The following FAF1 variants were observed in gnomAD, a reference collection of about 807,000 sequenced individuals.
FAF1 encodes the protein Fas associated factor 1.
A neutral mutation model predicts 92.5 loss-of-function variants in FAF1; 25 were observed. The observed-to-expected ratio is 0.27, with a 90% CI of 0.20 to 0.38. The LOEUF (loss-of-function observed/expected upper bound fraction) is 0.38. Among genes scored for constraint, FAF1 ranks in the 10% least tolerant of loss-of-function variants. The pLI is 1.00. For missense variants in FAF1, 636 were observed against 793.3 expected, an observed-to-expected ratio of 0.80 and a Z score of 2.38; for synonymous variants, 234 against 273.2, an observed-to-expected ratio of 0.86 and a Z score of 1.42.
At chr1:50,498,368 C>T (rs1149791) in intron 15 of FAF1, among the ~76,000 whole-genome samples, 3 of 151,998 alleles carry the variant, frequency 2.0e-5, no homozygotes, top group African/African-American at 7.2e-5. Flanking sequence ...TTCTTTAGTA[C>T]GTCATTGAAA....
intron 7 of FAF1, among the ~76,000 whole-genome samples, chr1:50,675,119 G>A (rs1191052111): frequency 6.6e-6 from 1 of 152,174 alleles, no homozygotes; most frequent in Non-Finnish European, 1.5e-5. Context: ...TCAAACTCCT[G>A]ACCTCAGGTG....
chr1:50,825,426 G>A (rs1644087464), intron 2 of FAF1, among the ~76,000 whole-genome samples: 1 of 151,874 alleles, frequency 6.6e-6, no homozygotes, highest in African/African-American at 2.4e-5. Flanking sequence ...CAAGACATAG[G>A]ACTTTTAAGG....
chr1:50,618,344 T>C (rs1653024642), intron 8 of FAF1, among the ~76,000 whole-genome samples: 2 of 152,056 alleles, frequency 1.3e-5, no homozygotes, highest in Non-Finnish European at 2.9e-5. Context: ...TTTTCGCTAA[T>C]ACTGGTGTTC....
At chr1:50,534,013 AC>A (rs1473538075) in intron 15 of FAF1, among the ~76,000 whole-genome samples, 1 of 152,014 alleles carries the variant, frequency 6.6e-6, no homozygotes, top group East Asian at 1.9e-4. Context: ...TCTGCCATTT[AC>A]CCCCTCAGGA....
intron 12 of FAF1, among the ~76,000 whole-genome samples, chr1:50,574,820 C>T (rs1650634403): frequency 6.7e-6 from 1 of 149,428 alleles, no homozygotes; most frequent in Non-Finnish European, 1.5e-5. Flanking sequence ...CAAATATTGT[C>T]TGACAAACAG....
At chr1:50,724,254 A>G (rs1440891833) in intron 6 of FAF1, among the ~76,000 whole-genome samples, 2 of 143,920 alleles carry the variant, frequency 1.4e-5, no homozygotes, top group Non-Finnish European at 3.0e-5. Context: ...AAAAAAAAAA[A>G]ACAACCATAT....
chr1:50,466,922 C>T (rs1174415267), intron 18 of FAF1, among the ~76,000 whole-genome samples: 1 of 152,190 alleles, frequency 6.6e-6, no homozygotes, highest in Non-Finnish European at 1.5e-5. Flanking sequence ...ATGTTCTCCT[C>T]ATAACAATCT....
At chr1:50,927,901 A>C (rs374486608) in intron 1 of FAF1, among the ~76,000 whole-genome samples, 2 of 152,100 alleles carry the variant, frequency 1.3e-5, no homozygotes, top group African/African-American at 2.4e-5. Context: ...TCTACTCGTT[A>C]CATATTCTGT....
Position 50,505,036 on chromosome 1 carries a change from T to G in FAF1, c.1495-13235A>C, listed in dbSNP as rs72898969. On this transcript the variant is annotated intron_variant, in intron 15 of 18. Transcript: ENST00000396153. ...CTGTAGAAGTCTTCTGAGTGGGGGA[T>G]CTTACTGATCTTATAGAAAGCAAGA... is the stretch of plus-strand genomic sequence containing the variant. Among the ~76,000 whole-genome samples, 986 of 152,290 alleles carry G rather than the reference T, an allele frequency of 6.5e-3. 19 individuals carry two copies. The highest frequency in any genetic ancestry group is 0.023 in the African/African-American group (942 of 41,560).
chr1:50,852,099 T>C (rs1644355960), intron 2 of FAF1, among the ~76,000 whole-genome samples: 1 of 152,058 alleles, frequency 6.6e-6, no homozygotes, highest in African/African-American at 2.4e-5. Context: ...TATGACATGC[T>C]TAGAAAAAAA....
chr1:50,948,534 CTTTT>C (rs1167611825), intron 1 of FAF1, among the ~76,000 whole-genome samples: 4 of 139,064 alleles, frequency 2.9e-5, no homozygotes, highest in Admixed American at 7.2e-5. Context: ...TTTTCTTTTT[CTTTT>C]TTTTTTTTTT....
At chr1:50,683,094 A>G (rs992012289) in intron 7 of FAF1, among the ~76,000 whole-genome samples, 1 of 152,178 alleles carries the variant, frequency 6.6e-6, no homozygotes, top group Non-Finnish European at 1.5e-5. Flanking sequence ...TTTAACAAGA[A>G]ATTAAAAATA....
In FAF1 at chr1:50,538,921, T is replaced by C. The variant is rs1648623988; in HGVS notation, c.1405+671A>G. Among the ~76,000 whole-genome samples the C allele has an allele frequency of 2.0e-5, 3 of 152,342 alleles. No homozygotes were observed. In the South Asian group the frequency reaches 6.2e-4, roughly 32 times the overall value. ...GAAATTAGTATACCAGATATAGTTT[T>C]AGCTTGAGGCACTTGAAAATCTTTT... On this transcript the variant is annotated intron_variant, in intron 14 of 18. Coordinates refer to ENST00000396153, the MANE Select transcript of FAF1 (RefSeq NM_007051.3).
At chr1:50,545,649 G>A (rs1359349297) in intron 13 of FAF1, among the ~76,000 whole-genome samples, 1 of 151,998 alleles carries the variant, frequency 6.6e-6, no homozygotes, top group Non-Finnish European at 1.5e-5. Context: ...AAAAAAACTG[G>A]CTTTGGCAAG....
intron 1 of FAF1, among the ~76,000 whole-genome samples, chr1:50,859,304 G>C (rs563512936): frequency 1.2e-4 from 18 of 151,828 alleles, no homozygotes; most frequent in African/African-American, 4.3e-4. Flanking sequence ...ATCTAAATAG[G>C]AAAAGAAGAA....
intron 15 of FAF1, among the ~76,000 whole-genome samples, chr1:50,511,500 T>G (rs1257109004): frequency 2.0e-5 from 3 of 152,130 alleles, no homozygotes; most frequent in African/African-American, 7.2e-5. Flanking sequence ...ATGTGGTGTT[T>G]GGTTTTCTGT....
intron 1 of FAF1, among the ~76,000 whole-genome samples, chr1:50,925,302 G>T (rs1644996344): frequency 6.6e-6 from 1 of 152,026 alleles, no homozygotes; most frequent in Non-Finnish European, 1.5e-5. Context: ...CAGACAACAA[G>T]AATAGACAAA....
intron 8 of FAF1, among the ~76,000 whole-genome samples, chr1:50,628,955 T>C (rs1241637159): frequency 1.3e-5 from 2 of 152,218 alleles, no homozygotes. Flanking sequence ...GTCATATCAA[T>C]ATAATTCAGT....
chr1:50,746,292 ATTTTTTTTTTTT>A (rs1165741663), intron 4 of FAF1, among the ~76,000 whole-genome samples: 39 of 22,672 alleles, frequency 1.7e-3, no homozygotes, highest in South Asian at 3.2e-3. Context: ...ATATATATAT[ATTTTTTTTTTTT>A]TTTTTTTTTT....
Sources: allele counts gnomAD v4.1 joint callset (sites outside exome capture counted in the v4.1 genomes callset), GRCh38; gene constraint gnomAD v4.1.1; transcripts MANE v1.5; gene names NCBI Gene and HGNC (gene_info 2026-07-23, HGNC 2026-07-21).